Variants in HECTD4 observed in about 807,000 individuals in gnomAD.
HECTD4 encodes probable E3 ubiquitin-protein ligase HECTD4.
In HECTD4, 114 loss-of-function variants were observed where a neutral mutation model predicts 471.5. That is an observed-to-expected ratio of 0.24 (90% CI 0.21 to 0.28). The LOEUF is 0.28. Among genes scored for constraint, HECTD4 ranks in the 10% least tolerant of loss-of-function variants. The probability of loss-of-function intolerance (pLI) is 1.00; values close to 1 mark genes in which losing one functional copy is unlikely to be tolerated. For synonymous variants in HECTD4, 2,012 were observed against 2,256.0 expected, an observed-to-expected ratio of 0.89 and a Z score of 3.07; for missense variants, 3,866 against 5,651.5, an observed-to-expected ratio of 0.68 and a Z score of 10.13.
intron 7 of HECTD4, among the ~76,000 whole-genome samples, chr12:112,304,862 G>A (rs1229077366): frequency 6.6e-6 from 1 of 152,148 alleles, no homozygotes; most frequent in Non-Finnish European, 1.5e-5. Context: ...GTCTGCTGCT[G>A]GGTTGGATGA....
At chr12:112,251,360 G>A (rs906672390) in intron 23 of HECTD4, among the ~76,000 whole-genome samples, 4 of 152,232 alleles carry the variant, frequency 2.6e-5, no homozygotes, top group Admixed American at 2.6e-4. Flanking sequence ...TAGTTGATCA[G>A]ACCCCATATA....
chr12:112,345,852 G>A (rs1421518252), intron 1 of HECTD4, among the ~76,000 whole-genome samples: 1 of 152,190 alleles, frequency 6.6e-6, no homozygotes, highest in Non-Finnish European at 1.5e-5. Context: ...CAGAGATCGT[G>A]CCACTGCACT....
chr12:112,217,931 A>G (rs2032971907), intron 45 of HECTD4, among the ~76,000 whole-genome samples: 1 of 152,030 alleles, frequency 6.6e-6, no homozygotes, highest in Non-Finnish European at 1.5e-5. Flanking sequence ...AATCATTCTA[A>G]TCATAAAAAT....
intron 7 of HECTD4, among the ~76,000 whole-genome samples, chr12:112,298,492 T>TG (rs2035092230): frequency 6.7e-6 from 1 of 149,972 alleles, no homozygotes; most frequent in African/African-American, 2.4e-5. Context: ...TTTTTTTTTT[T>TG]TTTTTTGGTA....
In HECTD4 at chr12:112,273,805, G is replaced by T. The variant is rs774211730; in HGVS notation, c.1802-10C>A. 1 of 1,613,018 alleles carries T rather than the reference G, an allele frequency of 6.2e-7. No homozygotes were observed. Among genetic ancestry groups the T allele is most frequent in the East Asian group, 2.2e-5 (1 of 44,886 alleles). On this transcript the variant is annotated splice_polypyrimidine_tract_variant and intron_variant, in intron 10 of 75. Transcript: ENST00000682272. ...GTGTCATAACACGCTCCTGCAAAAA[G>T]AGCATACTGTATTCAGTCACCATGC...
chr12:112,365,752 CTTCT>C (rs1000613476), intron 1 of HECTD4, among the ~76,000 whole-genome samples: 2 of 148,232 alleles, frequency 1.3e-5, no homozygotes, highest in Non-Finnish European at 3.0e-5. Context: ...GTTACTGCTG[CTTCT>C]TTGTGTTTTT....
chr12:112,222,852 C>G (rs1193084957), intron 44 of HECTD4, among the ~76,000 whole-genome samples: 1 of 151,944 alleles, frequency 6.6e-6, no homozygotes, highest in Non-Finnish European at 1.5e-5. Flanking sequence ...AAAACAAAAG[C>G]AAAAACAAAA....
chr12:112,180,355 C>T (rs1057385369), intron 62 of HECTD4, among the ~76,000 whole-genome samples: 1 of 152,080 alleles, frequency 6.6e-6, no homozygotes, highest in African/African-American at 2.4e-5. Flanking sequence ...CAAGACCAGC[C>T]TGGGCAATAT....
At chr12:112,171,053 G>A (rs2031197211) in intron 68 of HECTD4, 64 bp downstream of exon 68, 1 of 1,418,770 alleles carries the variant, frequency 7.0e-7, no homozygotes, top group South Asian at 1.3e-5. Flanking sequence ...CGTGGATTCT[G>A]GCCCTGGTGT....
intron 40 of HECTD4, 27 bp from the exon 41 acceptor site, chr12:112,229,907 A>G (rs2033332888): frequency 6.3e-7 from 1 of 1,584,520 alleles, no homozygotes. Context: ...CCCGTGCACT[A>G]GGAGTTAAAG....
rs746746758 is a variant in HECTD4 at position 112,210,079 on chromosome 12, A to C, written c.7803T>G (p.Ile2601Met). 9.9e-6 allele frequency: 16 copies of C among 1,613,920 alleles called. No individual in the cohort carries two copies. The highest frequency in any genetic ancestry group is 1.3e-5 in the Non-Finnish European group (15 of 1,179,894). ...GCCCATGAGTGCCTGGGTCTGATGC[A>C]ATACTGGTGCCAGCATCATTGTCAC... Reference protein sequence around the residue: ...SDSDNDAGTSIASDPGTHGPP... With the variant: ...SDSDNDAGTSMASDPGTHGPP... The change falls in exon 50 of 76, where the codon ATT becomes ATG. Residue 2601 changes from isoleucine (I) to methionine (M), a missense_variant. Transcript: ENST00000682272.
At position 112,282,669 on chromosome 12, in the gene HECTD4, G is replaced by C. The variant is rs555278398; in HGVS notation, c.1528+441C>G. Among the ~76,000 whole-genome samples the C allele has an allele frequency of 9.9e-5, 15 of 152,126 alleles. No individual in the cohort carries two copies. The South Asian group carries it at 3.1e-3, about 32-fold the overall frequency. The stretch of plus-strand genomic sequence containing the variant: ...TTGTTTTGACTTTCAAATTCTGTAC[G>C]TGTATTATCTATTTTAAAACATTAA... On this transcript the variant is annotated intron_variant, in intron 8 of 75. Coordinates refer to ENST00000682272, the MANE Select transcript of HECTD4 (RefSeq NM_001388303.1).
chr12:112,370,296 C>T (rs898750301), intron 1 of HECTD4, among the ~76,000 whole-genome samples: 4 of 152,084 alleles, frequency 2.6e-5, no homozygotes, highest in African/African-American at 9.7e-5. Context: ...GACTTTTAGC[C>T]CAGTGAGACT....
At chr12:112,225,049 C>T (rs1317421471) in intron 44 of HECTD4, among the ~76,000 whole-genome samples, 4 of 152,168 alleles carry the variant, frequency 2.6e-5, no homozygotes, top group Admixed American at 2.6e-4. Context: ...ACACCCCTTG[C>T]TTCTGTTCTT....
intron 60 of HECTD4, among the ~76,000 whole-genome samples, chr12:112,189,319 G>A (rs574435843): frequency 5.3e-5 from 8 of 152,126 alleles, no homozygotes; most frequent in South Asian, 4.1e-4. Context: ...TTGGGAGGCC[G>A]AGGCGGGTGG....
chr12:112,295,844 T>G (rs1193311074), intron 7 of HECTD4, among the ~76,000 whole-genome samples: 5 of 147,368 alleles, frequency 3.4e-5, no homozygotes, highest in African/African-American at 1.3e-4. Context: ...CACACACACA[T>G]AGTGATGTGG....
Position 112,184,731 on chromosome 12 carries a change from A to G in HECTD4, c.10235T>C (p.Val3412Ala). The G allele has an allele frequency of 6.2e-7, 1 of 1,612,178 alleles. No homozygotes were observed. The highest frequency in any genetic ancestry group is 1.3e-5 in the African/African-American group (1 of 74,956). The change falls in exon 61 of 76, where the codon GTA becomes GCA. Residue 3412 changes from valine (V) to alanine (A), a missense_variant. By Grantham distance (64) the Val-to-Ala change is moderately conservative. Transcript: ENST00000682272. The surrounding 1 kb of genome is among the most constrained non-coding windows in gnomAD (Gnocchi z 9.1). ...SGIPTHLDEGVVRGAIRKACN... is the reference protein window; with the variant it reads ...SGIPTHLDEGAVRGAIRKACN... ...GGCCTTGCGGATGGCGCCTCTGACT[A>G]CGCCCTCGTCCAGGTGGGTGGGGAT...
chr12:112,270,339 C>A lies in HECTD4; in HGVS notation c.2063G>T (p.Gly688Val). 1 of 1,614,032 alleles carries A rather than the reference C, an allele frequency of 6.2e-7. No homozygotes were observed. Among genetic ancestry groups the A allele is most frequent in the Non-Finnish European group, 8.5e-7 (1 of 1,179,900 alleles). Residue 688 changes from glycine (G) to valine (V), a missense_variant, in exon 12 of 76, where the codon GGC becomes GTC. Around this residue, in one of 16 missense-constraint regions of HECTD4, gnomAD observed 525 missense variants for 672.6 expected, o/e 0.78. Transcript: ENST00000682272. ...ATGTGCTTCAATTGGATGCTGCTTG[C>A]CCAAGACACTTGTGATTGGAAGATT... ...NPNLPITSVL[G>V]KQHPIEAHHL...
chr12:112,246,141 A>AAAAATAAAATAAAATAAAATAAAAT (rs148990896), intron 29 of HECTD4, among the ~76,000 whole-genome samples: 102 of 149,006 alleles, frequency 6.8e-4, no homozygotes, highest in East Asian at 5.3e-3. Flanking sequence ...CAAAAAAATA[A>AAAAATAAAATAAAATAAAATAAAAT]AAAATAAAAT....
Sources: allele counts gnomAD v4.1 joint callset (sites outside exome capture counted in the v4.1 genomes callset), GRCh38; gene constraint gnomAD v4.1.1; regional missense constraint gnomAD v4.1.1; non-coding constraint Gnocchi (gnomAD v3.1); transcripts MANE v1.5; gene names NCBI Gene and HGNC (gene_info 2026-07-23, HGNC 2026-07-21).